The following NEBL variants were observed in gnomAD, a reference collection of about 807,000 sequenced individuals.
NEBL encodes the protein nebulette, also known as LIM and SH3 protein 2.
Under a neutral mutation model 140.2 loss-of-function variants are expected in NEBL, and 122 were observed. The observed-to-expected ratio is 0.87, with a 90% confidence interval of 0.75 to 1.01. The LOEUF (loss-of-function observed/expected upper bound fraction) is 1.01, where lower values mean the gene tolerates loss of function less well. Ranked by LOEUF, NEBL falls within the 50% of genes least tolerant of loss-of-function variation. The probability of loss-of-function intolerance (pLI) is 0.00; values close to 1 mark genes in which losing one functional copy is unlikely to be tolerated. For synonymous variants in NEBL, 436 were observed against 398.9 expected (o/e 1.09, Z -1.11); for missense variants, 1,365 against 1,231.3 (o/e 1.11, Z -1.62).
At chr10:20,853,732 G>A (rs577403847) in intron 9 of NEBL, among the ~76,000 whole-genome samples, 2 of 152,304 alleles carry the variant, frequency 1.3e-5, no homozygotes, top group South Asian at 2.1e-4. Flanking sequence ...CAGCAGCTGG[G>A]AAGAGTGGTG....
chr10:20,914,886 C>T (rs1216546661), intron 4 of NEBL, among the ~76,000 whole-genome samples: 1 of 151,318 alleles, frequency 6.6e-6, no homozygotes, highest in East Asian at 1.9e-4. Flanking sequence ...GAGGCGGAGT[C>T]TCACTCTGTC....
intron 2 of NEBL, among the ~76,000 whole-genome samples, chr10:21,149,680 A>G (rs1320013679): frequency 6.6e-6 from 1 of 152,240 alleles, no homozygotes; most frequent in African/African-American, 2.4e-5. Flanking sequence ...ATCCAAGGAC[A>G]GAGTTCTGGG....
intron 4 of NEBL, among the ~76,000 whole-genome samples, chr10:20,956,257 G>A (rs371467724): frequency 5.3e-5 from 8 of 152,316 alleles, no homozygotes; most frequent in East Asian, 1.9e-4. Context: ...CCCGAGGAGC[G>A]GTTGTTCAGA....
At chr10:21,159,743 T>A (rs761077121) in intron 2 of NEBL, among the ~76,000 whole-genome samples, 1 of 152,172 alleles carries the variant, frequency 6.6e-6, no homozygotes, top group Non-Finnish European at 1.5e-5. Context: ...CAAGATTCTT[T>A]CTATTCATGG....
At chr10:20,812,240 T>A (rs1030898686) in intron 24 of NEBL, among the ~76,000 whole-genome samples, 2 of 152,052 alleles carry the variant, frequency 1.3e-5, no homozygotes, top group African/African-American at 4.8e-5. Flanking sequence ...TTTTTCTTTT[T>A]AAAGAAAAAC....
intron 2 of NEBL, among the ~76,000 whole-genome samples, chr10:21,078,645 T>C (rs933516991): frequency 6.6e-6 from 1 of 152,222 alleles, no homozygotes; most frequent in African/African-American, 2.4e-5. Context: ...AGTGGGACTT[T>C]AAAGGTTTTG....
chr10:20,804,120 T>C (rs1485775154), intron 26 of NEBL, among the ~76,000 whole-genome samples: 1 of 152,072 alleles, frequency 6.6e-6, no homozygotes, highest in Non-Finnish European at 1.5e-5. Context: ...GTACCTCTGA[T>C]CTTGTTGGGC....
chr10:20,981,519 C>T (rs1214051001), intron 3 of NEBL, among the ~76,000 whole-genome samples: 1 of 152,144 alleles, frequency 6.6e-6, no homozygotes, highest in African/African-American at 2.4e-5. Flanking sequence ...AACCTACATC[C>T]CTTCTTTGGG....
At chr10:20,864,214 T>G (rs1020551364) in intron 7 of NEBL, among the ~76,000 whole-genome samples, 1 of 152,192 alleles carries the variant, frequency 6.6e-6, no homozygotes, top group Non-Finnish European at 1.5e-5. Context: ...ATTAATAAAC[T>G]ACTCTTAGAA....
intron 4 of NEBL, among the ~76,000 whole-genome samples, chr10:20,909,845 A>T (rs1246306755): frequency 6.6e-6 from 1 of 152,132 alleles, no homozygotes; most frequent in Non-Finnish European, 1.5e-5. Flanking sequence ...AAATTAAGGA[A>T]CCTAGTACAG....
intron 3 of NEBL, among the ~76,000 whole-genome samples, chr10:21,191,714 G>C (rs1179128252): frequency 6.6e-6 from 1 of 152,132 alleles, no homozygotes; most frequent in South Asian, 2.1e-4. Flanking sequence ...TAACAATATT[G>C]TTGCTTTTAG....
chr10:20,991,590 TTTTG>T (rs1197248376), intron 3 of NEBL, among the ~76,000 whole-genome samples: 1 of 152,136 alleles, frequency 6.6e-6, no homozygotes. Flanking sequence ...TTTTTCCTTT[TTTTG>T]TTTTGTTTTT....
chr10:20,821,967 A>G (rs954344779), intron 19 of NEBL, among the ~76,000 whole-genome samples: 11 of 152,060 alleles, frequency 7.2e-5, no homozygotes, highest in Middle Eastern at 3.4e-3. Flanking sequence ...TCAAGATCTA[A>G]CTCCAACGTT....
intron 2 of NEBL, among the ~76,000 whole-genome samples, chr10:21,041,662 A>C (rs767091847): frequency 3.9e-5 from 6 of 152,208 alleles, no homozygotes; most frequent in Non-Finnish European, 7.3e-5. Context: ...TATTATTGAA[A>C]GCAAGTTTAT....
At chr10:21,270,628 G>A (rs981692574) in intron 1 of NEBL, among the ~76,000 whole-genome samples, 7 of 152,006 alleles carry the variant, frequency 4.6e-5, no homozygotes, top group East Asian at 1.9e-4. Flanking sequence ...TTGGCCTCCC[G>A]AAGTGTTGGG....
intron 3 of NEBL, among the ~76,000 whole-genome samples, chr10:21,243,324 C>G (rs1285071203): frequency 8.2e-6 from 1 of 122,642 alleles, no homozygotes; most frequent in Non-Finnish European, 1.6e-5. Context: ...TTTTTTGAGT[C>G]AGGGTACGGT....
chr10:21,200,656 A>C (rs1841721142), intron 3 of NEBL, among the ~76,000 whole-genome samples: 1 of 152,202 alleles, frequency 6.6e-6, no homozygotes, highest in Admixed American at 6.5e-5. Flanking sequence ...AGATGTTTGC[A>C]AGGTGGTATT....
intron 2 of NEBL, among the ~76,000 whole-genome samples, chr10:21,091,012 C>T (rs1236534565): frequency 6.6e-6 from 1 of 151,846 alleles, no homozygotes; most frequent in East Asian, 1.9e-4. Flanking sequence ...ACTAGAACCT[C>T]AGCACAATTT....
At chr10:21,006,271 A>G (rs542500763) in intron 3 of NEBL, among the ~76,000 whole-genome samples, 1 of 152,304 alleles carries the variant, frequency 6.6e-6, no homozygotes, top group Admixed American at 6.5e-5. Flanking sequence ...TTCTATGCTG[A>G]TAATTTTGTT....
Sources: allele counts gnomAD v4.1 joint callset (sites outside exome capture counted in the v4.1 genomes callset), GRCh38; gene constraint gnomAD v4.1.1; transcripts MANE v1.5; gene names NCBI Gene and HGNC (gene_info 2026-07-23, HGNC 2026-07-21).